Variants in LAMB4 observed in about 807,000 individuals in gnomAD.
The protein encoded by LAMB4 is laminin subunit beta-4.
LAMB4 carries 196 observed loss-of-function variants against 199.2 expected under a neutral mutation model. The ratio of observed to expected loss-of-function variants is 0.98; its 90% CI spans 0.88 to 1.11. LAMB4 has a LOEUF of 1.11. LAMB4 is among the 50% of genes least tolerant of loss of function. The pLI, the probability that LAMB4 is intolerant of heterozygous loss-of-function variation, is 0.00. For synonymous variants in LAMB4, 744 were observed against 770.6 expected (o/e 0.97, Z 0.57); for missense variants, 2,080 against 2,171.2 (o/e 0.96, Z 0.83).
At chr7:108,059,727 G>A (rs766559971) in intron 23 of LAMB4, among the ~76,000 whole-genome samples, 1 of 152,026 alleles carries the variant, frequency 6.6e-6, no homozygotes, top group Non-Finnish European at 1.5e-5. Flanking sequence ...AAGCCTGCAC[G>A]CAATGAAAAT....
intron 12 of LAMB4, among the ~76,000 whole-genome samples, chr7:108,094,461 G>A (rs2037523156): frequency 6.6e-6 from 1 of 151,018 alleles, no homozygotes. Context: ...TCAGTAAAAT[G>A]ACTTAAAATA....
At chr7:108,020,468 C>T (rs1196150051), downstream of LAMB4, among the ~76,000 whole-genome samples, 4 of 107,432 alleles carry the variant, frequency 3.7e-5, no homozygotes, top group African/African-American at 1.8e-4. Context: ...AAGACTCCAT[C>T]TCAAAAAAAA....
intron 14 of LAMB4, among the ~76,000 whole-genome samples, chr7:108,091,000 A>C (rs1354475409): frequency 6.6e-6 from 1 of 152,152 alleles, no homozygotes; most frequent in South Asian, 2.1e-4. Flanking sequence ...CCTGGAACCT[A>C]GAATTAGTCC....
At position 108,037,375 on chromosome 7, in the gene LAMB4, A is replaced by T; in HGVS notation, c.4679+13T>A. 6.3e-7 allele frequency: 1 copy of T among 1,598,882 alleles called. No individual in the cohort carries two copies. Among genetic ancestry groups the T allele is most frequent in the Non-Finnish European group, 8.6e-7 (1 of 1,166,494 alleles). ...CTGTTAGAGCAAGATAAGAATATTA[A>T]TACAGTACTTACTCAGCTGCTTTGG... On this transcript the variant is annotated intron_variant, in intron 30 of 33. Coordinates refer to ENST00000388781, the MANE Select transcript of LAMB4 (RefSeq NM_007356.3).
intron 11 of LAMB4, among the ~76,000 whole-genome samples, chr7:108,097,596 T>C (rs923908179): frequency 6.6e-6 from 1 of 152,148 alleles, no homozygotes; most frequent in African/African-American, 2.4e-5. Flanking sequence ...CCATCTTGGC[T>C]AACACGGTGA....
chr7:108,065,749 C>G lies in LAMB4; in HGVS notation c.2836+13G>C. 2 of 1,609,524 alleles carry G rather than the reference C, an allele frequency of 1.2e-6. No individual in the cohort carries two copies. The highest frequency in any genetic ancestry group is 1.7e-6 in the Non-Finnish European group (2 of 1,176,944). On this transcript the variant is annotated intron_variant, in intron 21 of 33. Transcript: ENST00000388781. ...TAAAGAGAAAAAATTGCATCAAGCA[C>G]TATACTGCATACCCGTATAACCTTG... is the stretch of plus-strand genomic sequence containing the variant.
Position 108,078,280 on chromosome 7 carries a change from G to A in LAMB4, c.1924C>T (p.Pro642Ser), listed in dbSNP as rs1445666410. The part of the protein sequence containing the change: ...ADWTVQIVVN[P>S]PGGSEHCIPK... ...ATGCAGTGCTCACTCCCTCCAGGGG[G>A]GTTCACCACAATCTGGACAGTCCAG... Residue 642 changes from proline (P) to serine (S), a missense_variant, in exon 16 of 34, where the codon CCC becomes TCC. Coordinates refer to ENST00000388781, the MANE Select transcript of LAMB4 (RefSeq NM_007356.3). 1.9e-6 allele frequency: 3 copies of A among 1,610,014 alleles called. No homozygotes were observed. The highest frequency in any genetic ancestry group is 1.1e-5 in the South Asian group (1 of 89,830).
chr7:108,099,012 G>A (rs996030873), intron 10 of LAMB4, among the ~76,000 whole-genome samples: 1 of 152,140 alleles, frequency 6.6e-6, no homozygotes, highest in Non-Finnish European at 1.5e-5. Flanking sequence ...TCTAAAAATA[G>A]ATTTTAAAAA....
At chr7:108,119,302 CA>C (rs2038517856) in intron 2 of LAMB4, among the ~76,000 whole-genome samples, 1 of 152,156 alleles carries the variant, frequency 6.6e-6, no homozygotes, top group African/African-American at 2.4e-5. Context: ...AGAGAAATTA[CA>C]ACTTATGTTC....
chr7:108,070,650 G>A (rs932913508), intron 17 of LAMB4, among the ~76,000 whole-genome samples: 19 of 151,962 alleles, frequency 1.3e-4, no homozygotes, highest in African/African-American at 4.3e-4. Context: ...TTACTTTATT[G>A]TAGGATACAG....
rs1037843177 is a variant in LAMB4 at position 108,067,926 on chromosome 7, T to C, written c.2446+90A>G. ...AATGTAGTCAGGTTTCCAATCTCCT[T>C]CCCATTAAAACCCCCCTCCATGACT... On this transcript the variant is annotated intron_variant, in intron 19 of 33. Transcript: ENST00000388781. 1.3e-4 allele frequency: 195 copies of C among 1,493,748 alleles called. 1 individual carries two copies. Among genetic ancestry groups the C allele is most frequent in the Non-Finnish European group, 1.4e-4 (151 of 1,079,074 alleles). The allele number at this position is 1,493,748 out of a possible 1,614,324, so 92.5% of individuals were successfully genotyped here.
intron 31 of LAMB4, among the ~76,000 whole-genome samples, chr7:108,033,384 G>A (rs945523526): frequency 6.6e-6 from 1 of 151,942 alleles, no homozygotes; most frequent in African/African-American, 2.4e-5. Flanking sequence ...TTATTTCCTC[G>A]TGTATTACTT....
chr7:108,043,907 A>G lies in LAMB4; in HGVS notation c.4327-11T>C. ...ACTTATACTTTCGATCTGGAATGAG[A>G]AAAACACAATGAAGAATACTCGACA... is the stretch of plus-strand genomic sequence containing the variant. On this transcript the variant is annotated splice_polypyrimidine_tract_variant and intron_variant, in intron 28 of 33. Coordinates refer to ENST00000388781, the MANE Select transcript of LAMB4 (RefSeq NM_007356.3). The G allele has an allele frequency of 4.4e-6, 7 of 1,595,056 alleles. No homozygotes were observed. The highest frequency in any genetic ancestry group is 6.0e-6 in the Non-Finnish European group (7 of 1,173,816).
rs759845181 is a variant in LAMB4 at position 108,043,894 on chromosome 7, G to A, written c.4329C>T (p.Ile1443=). Residue 1443 remains isoleucine (I), a splice_region_variant and synonymous_variant, in exon 29 of 34, where the codon ATC becomes ATT. Coordinates refer to ENST00000388781, the MANE Select transcript of LAMB4 (RefSeq NM_007356.3). ...DKQVRGLKNQ[I]ESISEQAEVS... ...CTTCTGCCTGTTCACTTATACTTTC[G>A]ATCTGGAATGAGAAAAACACAATGA... 8 of 1,595,800 alleles carry A rather than the reference G, an allele frequency of 5.0e-6. No homozygotes were observed. The East Asian group carries it at 6.8e-5, about 14-fold the overall frequency.
intron 9 of LAMB4, among the ~76,000 whole-genome samples, chr7:108,103,647 C>T (rs2037895303): frequency 6.6e-6 from 1 of 152,180 alleles, no homozygotes; most frequent in African/African-American, 2.4e-5. Context: ...GCAGAGGAAA[C>T]CGGCCTGGCC....
rs542714871 is a variant in LAMB4 at position 108,025,616 on chromosome 7, T to C, written c.5147-1438A>G. Among the ~76,000 whole-genome samples, 130 of 152,052 alleles carry C rather than the reference T, an allele frequency of 8.5e-4. 1 individual carries two copies. Among genetic ancestry groups the C allele is most frequent in the African/African-American group, 3.0e-3 (124 of 41,434 alleles). On this transcript the variant is annotated intron_variant, in intron 33 of 33. Transcript: ENST00000388781. ...GCTAATTTTGTACTTTTAGTAGAGATGGGGTTTCTCCATGTTGGTCAGGCT... is the reference window on the plus strand; with the variant it reads ...GCTAATTTTGTACTTTTAGTAGAGACGGGGTTTCTCCATGTTGGTCAGGCT...
chr7:108,101,834 T>G (rs1416379422), intron 10 of LAMB4, among the ~76,000 whole-genome samples: 1 of 152,194 alleles, frequency 6.6e-6, no homozygotes, highest in Non-Finnish European at 1.5e-5. Context: ...CTTCCTTGGC[T>G]CACTCTAGTC....
intron 24 of LAMB4, 56 bp from the exon 25 acceptor site, chr7:108,056,063 A>G: frequency 6.7e-7 from 1 of 1,499,642 alleles, no homozygotes; most frequent in Middle Eastern, 1.8e-4. Flanking sequence ...GTTGATGACT[A>G]ACTCAAGAAT....
At chr7:108,011,928 A>C in the LAMB4 span, among the ~76,000 whole-genome samples, 1 of 151,798 alleles carries the variant, frequency 6.6e-6, no homozygotes, top group East Asian at 1.9e-4. Context: ...GAGATGTAGC[A>C]AATAACATAA....
Sources: gnomAD v4.1 joint callset for allele counts (sites outside exome capture counted in the v4.1 genomes callset) on GRCh38, gnomAD v4.1.1 for gene constraint, MANE v1.5 for transcripts, NCBI Gene and HGNC (gene_info 2026-07-23, HGNC 2026-07-21) for gene names.